The following SCARA5 variants were observed in gnomAD, a reference collection of about 807,000 sequenced individuals.
The protein encoded by SCARA5 is scavenger receptor class A member 5, also known as scavenger receptor class A, member 5 (putative).
In SCARA5, 45 loss-of-function variants were observed where a neutral mutation model predicts 46.3. The observed-to-expected ratio is 0.97, with a 90% CI of 0.76 to 1.24. The LOEUF is 1.24. SCARA5 is among the 50% of genes most tolerant of loss of function. The pLI is 0.00. For synonymous variants in SCARA5, 333 were observed against 306.5 expected, an observed-to-expected ratio of 1.09 and a Z score of -0.90; for missense variants, 680 against 689.0, an observed-to-expected ratio of 0.99 and a Z score of 0.15.
intron 3 of SCARA5, among the ~76,000 whole-genome samples, chr8:27,952,754 T>A (rs1334121136): frequency 1.3e-5 from 2 of 152,224 alleles, no homozygotes; most frequent in South Asian, 4.1e-4. Flanking sequence ...ATGGACTGTG[T>A]GCAAGCATTA....
chr8:27,913,358 G>A (rs1807409869), intron 4 of SCARA5, among the ~76,000 whole-genome samples: 1 of 152,180 alleles, frequency 6.6e-6, no homozygotes, highest in Non-Finnish European at 1.5e-5. Flanking sequence ...GCTGCCAGGG[G>A]CTCCGAGGAC....
chr8:27,896,314 C>T (rs1484283720), intron 7 of SCARA5, among the ~76,000 whole-genome samples: 3 of 152,140 alleles, frequency 2.0e-5, no homozygotes, highest in Admixed American at 6.5e-5. Flanking sequence ...TGGGAGGGTT[C>T]TGCCATCCCC....
intron 3 of SCARA5, among the ~76,000 whole-genome samples, chr8:27,939,625 T>C (rs1455259499): frequency 6.6e-6 from 1 of 152,138 alleles, no homozygotes; most frequent in Non-Finnish European, 1.5e-5. Context: ...GTCACGCAGC[T>C]AGACAGAGAT....
At chr8:27,897,279 C>T (rs368168295) in intron 7 of SCARA5, among the ~76,000 whole-genome samples, 3 of 152,128 alleles carry the variant, frequency 2.0e-5, no homozygotes, top group South Asian at 2.1e-4. Flanking sequence ...GGGGACCTCC[C>T]GGACTCAATC....
chr8:27,901,925 C>G (rs895967680), intron 7 of SCARA5, among the ~76,000 whole-genome samples: 3 of 152,186 alleles, frequency 2.0e-5, no homozygotes, highest in Non-Finnish European at 2.9e-5. Flanking sequence ...GAAGTCCGTC[C>G]TCCCCTATGG....
At chr8:27,925,868 T>A (rs1305546270) in intron 3 of SCARA5, among the ~76,000 whole-genome samples, 2 of 152,186 alleles carry the variant, frequency 1.3e-5, no homozygotes, top group African/African-American at 4.8e-5. Context: ...TCACTGGCCA[T>A]CAGAGAAATG....
intron 3 of SCARA5, among the ~76,000 whole-genome samples, chr8:27,930,516 C>A (rs1472054306): frequency 6.6e-6 from 1 of 152,108 alleles, no homozygotes; most frequent in Non-Finnish European, 1.5e-5. Context: ...CATTATCCTG[C>A]CTCAGCCTCC....
At chr8:27,911,512 T>C (rs568968251) in intron 4 of SCARA5, among the ~76,000 whole-genome samples, 3 of 152,232 alleles carry the variant, frequency 2.0e-5, no homozygotes, top group South Asian at 4.1e-4. Context: ...GCCAACATGG[T>C]GAAATCCCGT....
At chr8:27,908,322 C>A (rs945711212) in intron 5 of SCARA5, among the ~76,000 whole-genome samples, 1 of 151,768 alleles carries the variant, frequency 6.6e-6, no homozygotes, top group African/African-American at 2.4e-5. Flanking sequence ...GCCATGAGGC[C>A]CCTTGGCCAC....
intron 3 of SCARA5, among the ~76,000 whole-genome samples, chr8:27,948,675 A>G (rs1808075260): frequency 6.6e-6 from 1 of 152,198 alleles, no homozygotes. Flanking sequence ...AGGAAGAAAA[A>G]CAAACAGCTG....
intron 3 of SCARA5, among the ~76,000 whole-genome samples, chr8:27,938,258 C>A (rs1419402440): frequency 5.3e-5 from 8 of 152,150 alleles, no homozygotes; most frequent in African/African-American, 1.9e-4. Flanking sequence ...TTAAAATGTC[C>A]TGTGGGGCAC....
At chr8:27,895,094 C>A (rs1161770113) in intron 7 of SCARA5, among the ~76,000 whole-genome samples, 1 of 152,154 alleles carries the variant, frequency 6.6e-6, no homozygotes. Context: ...GTTTTCCCTG[C>A]CTTCCAGTCC....
chr8:27,966,388 C>G, intron 3 of SCARA5, 26 bp downstream of exon 3: 7 of 1,579,510 alleles, frequency 4.4e-6, no homozygotes, highest in Non-Finnish European at 6.0e-6. Context: ...TCCCAAAAGA[C>G]CAGGACAAAA....
intron 2 of SCARA5, among the ~76,000 whole-genome samples, chr8:27,978,763 G>C (rs145782380): frequency 1.3e-5 from 2 of 151,966 alleles, no homozygotes; most frequent in Non-Finnish European, 2.9e-5. Flanking sequence ...CTCCCATCTC[G>C]GCCTCCCAAA....
In SCARA5 at chr8:27,898,673, C is replaced by A. The variant is rs560498685; in HGVS notation, c.1153+6105G>T. Among the ~76,000 whole-genome samples, 44 of 152,302 alleles carry A rather than the reference C, an allele frequency of 2.9e-4. No individual in the cohort carries two copies. The South Asian group carries it at 8.9e-3, about 31-fold the overall frequency. On this transcript the variant is annotated intron_variant, in intron 7 of 8. Transcript: ENST00000354914. ...TTTTAAAATTCATAGTAAGCCCCTT[C>A]CAACCATACCTGAGTTTGGGTGGGA...
intron 2 of SCARA5, among the ~76,000 whole-genome samples, chr8:27,983,589 A>G (rs903933893): frequency 6.6e-6 from 1 of 152,120 alleles, no homozygotes; most frequent in African/African-American, 2.4e-5. Flanking sequence ...TTACCACATC[A>G]TTTACCAACA....
intron 3 of SCARA5, among the ~76,000 whole-genome samples, chr8:27,946,751 G>T (rs565388189): frequency 6.6e-6 from 1 of 152,164 alleles, no homozygotes; most frequent in Non-Finnish European, 1.5e-5. Flanking sequence ...AGAATCTGAC[G>T]AGGCCTCCTT....
chr8:27,944,366 C>T (rs1807999427), intron 3 of SCARA5, among the ~76,000 whole-genome samples: 1 of 152,128 alleles, frequency 6.6e-6, no homozygotes, highest in Non-Finnish European at 1.5e-5. Context: ...CTTGTAAATA[C>T]ACACTAACAT....
chr8:27,898,479 A>G (rs1807099360), intron 7 of SCARA5, among the ~76,000 whole-genome samples: 1 of 152,166 alleles, frequency 6.6e-6, no homozygotes, highest in East Asian at 1.9e-4. Flanking sequence ...TGGATTTAAG[A>G]TTTGTTACTG....
Sources: allele counts gnomAD v4.1 joint callset (sites outside exome capture counted in the v4.1 genomes callset), GRCh38; gene constraint gnomAD v4.1.1; transcripts MANE v1.5; gene names NCBI Gene and HGNC (gene_info 2026-07-23, HGNC 2026-07-21).